Variants in ACAP2 observed in about 807,000 individuals in gnomAD.
ACAP2 encodes ArfGAP with coiled-coil, ankyrin repeat and PH domains 2.
Under a neutral mutation model 115.8 loss-of-function variants are expected in ACAP2, and 39 were observed. That is an observed-to-expected ratio of 0.34 (90% CI 0.26 to 0.44). The LOEUF (loss-of-function observed/expected upper bound fraction) is 0.44, where lower values mean the gene tolerates loss of function less well. Ranked by LOEUF, ACAP2 falls within the 20% of genes least tolerant of loss-of-function variation. ACAP2 has a pLI of 1.00. For missense variants in ACAP2, 662 were observed against 927.6 expected (o/e 0.71, Z 3.72); for synonymous variants, 289 against 315.8 (o/e 0.92, Z 0.90).
chr3:195,372,229 A>G (rs1733199785), intron 4 of ACAP2, among the ~76,000 whole-genome samples: 2 of 152,238 alleles, frequency 1.3e-5, no homozygotes, highest in South Asian at 4.1e-4. Flanking sequence ...GAACTTTGTT[A>G]ATTTCCAAAG....
At chr3:195,330,089 T>G (rs1445103728) in intron 8 of ACAP2, among the ~76,000 whole-genome samples, 1 of 152,188 alleles carries the variant, frequency 6.6e-6, no homozygotes, top group Non-Finnish European at 1.5e-5. Context: ...TCAGCAAGTA[T>G]ACGCTACTGA....
intron 13 of ACAP2, among the ~76,000 whole-genome samples, chr3:195,303,022 T>C (rs966186553): frequency 3.9e-5 from 6 of 152,138 alleles, no homozygotes; most frequent in African/African-American, 1.4e-4. Context: ...AAGACCAGCC[T>C]GGCCAACACA....
At chr3:195,290,842 AAATAAAT>A (rs1371052592) in intron 20 of ACAP2, among the ~76,000 whole-genome samples, 118 of 124,620 alleles carry the variant, frequency 9.5e-4, no homozygotes, top group Middle Eastern at 3.9e-3. Context: ...ATAAATAAAT[AAATAAAT>A]AATAAATAAA....
At chr3:195,286,842 A>G (rs1382587207) in intron 21 of ACAP2, among the ~76,000 whole-genome samples, 1 of 152,256 alleles carries the variant, frequency 6.6e-6, no homozygotes, top group Non-Finnish European at 1.5e-5. Flanking sequence ...GTCCACTGCT[A>G]TATAGGTATT....
Position 195,306,493 on chromosome 3 carries a change from G to A in ACAP2, c.1116+18C>T, listed in dbSNP as rs1182294167. The A allele has an allele frequency of 6.5e-7, 1 of 1,536,156 alleles. No individual in the cohort carries two copies. The highest frequency in any genetic ancestry group is 8.9e-7 in the Non-Finnish European group (1 of 1,122,216). On this transcript the variant is annotated intron_variant, in intron 13 of 22. Transcript: ENST00000326793. ...TTTTGGCAATATATTATCTGGTATT[G>A]CTAATACCTCTACTAACCTCTGATT...
intron 15 of ACAP2, among the ~76,000 whole-genome samples, chr3:195,301,219 A>G (rs544662658): frequency 4.6e-5 from 7 of 151,852 alleles, no homozygotes; most frequent in African/African-American, 9.7e-5. Flanking sequence ...CTGAGTAGCT[A>G]GGACTACAGG....
chr3:195,407,468 G>A (rs1300040893), intron 1 of ACAP2, among the ~76,000 whole-genome samples: 1 of 151,982 alleles, frequency 6.6e-6, no homozygotes, highest in Non-Finnish European at 1.5e-5. Context: ...ACACTTTGAG[G>A]AGCCAAGGCA....
chr3:195,440,404 T>C (rs992745718), intron 1 of ACAP2, among the ~76,000 whole-genome samples: 2 of 152,198 alleles, frequency 1.3e-5, no homozygotes, highest in African/African-American at 4.8e-5. Flanking sequence ...GCTTGAACAG[T>C]GGTGAAATTT....
At chr3:195,353,831 CTTTT>C (rs1287611998) in intron 4 of ACAP2, among the ~76,000 whole-genome samples, 1 of 151,906 alleles carries the variant, frequency 6.6e-6, no homozygotes, top group Non-Finnish European at 1.5e-5. Context: ...TGCTTTTCAA[CTTTT>C]TTTTAACTTT....
intron 1 of ACAP2, among the ~76,000 whole-genome samples, chr3:195,402,547 G>C (rs1712399648): frequency 6.6e-6 from 1 of 152,156 alleles, no homozygotes; most frequent in South Asian, 2.1e-4. Context: ...TTTTTAAGTT[G>C]ACAGAAAAGG....
intron 9 of ACAP2, among the ~76,000 whole-genome samples, chr3:195,323,149 A>C (rs1729559155): frequency 1.3e-5 from 2 of 152,322 alleles, no homozygotes; most frequent in Admixed American, 6.5e-5. Context: ...AATCTAATAG[A>C]AACTTTCCCT....
rs760446150 is a variant in ACAP2, at chr3:195,279,415, A to G, written c.2250T>C (p.Tyr750=). 5.6e-6 allele frequency: 9 copies of G among 1,597,676 alleles called. No homozygotes were observed. Among genetic ancestry groups the G allele is most frequent in the Admixed American group, 5.3e-5 (3 of 56,720 alleles). ...GGGAAAAATCACGAAATATGTCCTG[A>G]TAAGTTTCATCACCTGCATGAAATA... ...GLYGQPGDET[Y]QDIFRDFSQM... is the part of the protein sequence containing the mutation. Residue 750 remains tyrosine, a synonymous_variant, in exon 23 of 23, where the codon TAT becomes TAC. Transcript: ENST00000326793.
At chr3:195,405,090 G>A (rs369401911) in intron 1 of ACAP2, among the ~76,000 whole-genome samples, 3 of 151,704 alleles carry the variant, frequency 2.0e-5, no homozygotes, top group East Asian at 3.9e-4. Context: ...ATGAGCCACC[G>A]CAACCAGCCT....
intron 10 of ACAP2, among the ~76,000 whole-genome samples, chr3:195,318,332 A>C (rs2109021517): frequency 6.6e-6 from 1 of 152,332 alleles, no homozygotes; most frequent in Admixed American, 6.5e-5. Flanking sequence ...GCCACTTTGG[A>C]AATGAGTAAC....
intron 1 of ACAP2, among the ~76,000 whole-genome samples, chr3:195,401,975 G>T (rs1470382475): frequency 6.6e-6 from 1 of 152,072 alleles, no homozygotes; most frequent in East Asian, 1.9e-4. Flanking sequence ...CACCTGGGAT[G>T]GTAAACTTCG....
intron 4 of ACAP2, among the ~76,000 whole-genome samples, chr3:195,373,253 G>GA (rs1313789822): frequency 1.1e-4 from 17 of 151,774 alleles, no homozygotes; most frequent in Non-Finnish European, 2.9e-5. Flanking sequence ...AAATTTATTT[G>GA]GAAAACTCTG....
chr3:195,424,244 G>GGTGTGTGT (rs58166272), intron 1 of ACAP2, among the ~76,000 whole-genome samples: 6 of 69,620 alleles, frequency 8.6e-5, no homozygotes, highest in East Asian at 8.8e-4. Flanking sequence ...GTGTGTGTGT[G>GGTGTGTGT]GTGTGTGTGT....
rs1236132248 is a variant in ACAP2 at position 195,277,324 on chromosome 3, C to T, written c.*2004G>A. 3 of 152,066 alleles carry T rather than the reference C, an allele frequency of 2.0e-5. No individual in the cohort carries two copies. The highest frequency in any genetic ancestry group is 7.2e-5 in the African/African-American group (3 of 41,418). The allele number at this position is 152,066 out of a possible 1,614,324, so 9.4% of individuals were successfully genotyped here. ...ATAAAAACTACAAATCAGATTTTTG[C>T]CTTTAGTGAAGGTGCCTAAAAAGCC... On this transcript the variant is annotated 3_prime_UTR_variant, in exon 23 of 23. Transcript: ENST00000326793.
At chr3:195,287,506 C>A (rs1054227023) in intron 21 of ACAP2, among the ~76,000 whole-genome samples, 1 of 151,844 alleles carries the variant, frequency 6.6e-6, no homozygotes, top group Middle Eastern at 3.2e-3. Context: ...TTTGTAGAGA[C>A]AGGGCCTCGC....
Sources: gnomAD v4.1 joint callset for allele counts (sites outside exome capture counted in the v4.1 genomes callset) on GRCh38, gnomAD v4.1.1 for gene constraint, MANE v1.5 for transcripts, NCBI Gene and HGNC (gene_info 2026-07-23, HGNC 2026-07-21) for gene names.